Variants in BRI3BP observed in about 807,000 individuals in gnomAD.
BRI3BP encodes BRI3-binding protein.
Under a neutral mutation model 15.8 loss-of-function variants are expected in BRI3BP, and 7 were observed. The observed-to-expected ratio is 0.44, with a 90% confidence interval of 0.25 to 0.83. BRI3BP has a LOEUF of 0.83. Among genes scored for constraint, BRI3BP ranks in the 40% least tolerant of loss-of-function variants. The probability of loss-of-function intolerance (pLI) is 0.20; values close to 1 mark genes in which losing one functional copy is unlikely to be tolerated. For synonymous variants in BRI3BP, 192 were observed against 163.5 expected (o/e 1.17, Z -1.33); for missense variants, 320 against 339.3 (o/e 0.94, Z 0.45).
chr12:125,049,398 G>T, the BRI3BP span, among the ~76,000 whole-genome samples: 4 of 152,098 alleles, frequency 2.6e-5, no homozygotes, highest in African/African-American at 9.7e-5. Context: ...CATCCTAGGG[G>T]CTCATCTGCG....
the BRI3BP span, among the ~76,000 whole-genome samples, chr12:125,049,860 C>A: frequency 6.9e-6 from 1 of 144,682 alleles, no homozygotes; most frequent in African/African-American, 2.5e-5. Context: ...GCGTTGGGGT[C>A]GCGGGAAGGG....
chr12:124,999,296 C>A (rs1411949762), intron 1 of BRI3BP, among the ~76,000 whole-genome samples: 1 of 152,144 alleles, frequency 6.6e-6, no homozygotes, highest in Non-Finnish European at 1.5e-5. Flanking sequence ...TTCCCACTAC[C>A]GACCCGTCTA....
chr12:125,034,103 A>G (rs1363064510), downstream of BRI3BP, among the ~76,000 whole-genome samples: 3 of 150,152 alleles, frequency 2.0e-5, no homozygotes, highest in African/African-American at 7.4e-5. Context: ...CTGGAGTGCA[A>G]TGGCACAATC....
At chr12:124,997,851 G>A (rs1331155018) in intron 1 of BRI3BP, among the ~76,000 whole-genome samples, 2 of 151,860 alleles carry the variant, frequency 1.3e-5, no homozygotes, top group African/African-American at 4.8e-5. Context: ...TAGGCCAGGT[G>A]TGGTGGCTCA....
the BRI3BP span, among the ~76,000 whole-genome samples, chr12:125,046,427 G>A: frequency 6.6e-6 from 1 of 151,990 alleles, no homozygotes; most frequent in African/African-American, 2.4e-5. Context: ...GGTGGCTCAC[G>A]CCTGTAGTCC....
rs565122837 is a variant in BRI3BP at position 124,996,379 on chromosome 12, C to T, written c.213+2376C>T. On this transcript the variant is annotated intron_variant, in intron 1 of 2. Coordinates refer to ENST00000341446, the MANE Select transcript of BRI3BP (RefSeq NM_080626.6). Reference sequence around the variant, plus strand: ...GGAGTGCGTTGGCACGATCTTGGCTCACGGCAACGTCTGCCTCCTGGGCAA... The same window carrying T: ...GGAGTGCGTTGGCACGATCTTGGCTTACGGCAACGTCTGCCTCCTGGGCAA... Among the ~76,000 whole-genome samples, 296 of 152,276 alleles carry T rather than the reference C, an allele frequency of 1.9e-3. 1 individual carries two copies. The highest frequency in any genetic ancestry group is 6.8e-3 in the African/African-American group (284 of 41,546).
chr12:125,049,124 G>A, the BRI3BP span, among the ~76,000 whole-genome samples: 1 of 151,994 alleles, frequency 6.6e-6, no homozygotes, highest in African/African-American at 2.4e-5. Flanking sequence ...ACCACGCCTG[G>A]CTAATTTTTT....
At chr12:125,019,812 C>G (rs547930748) in intron 2 of BRI3BP, among the ~76,000 whole-genome samples, 10 of 152,096 alleles carry the variant, frequency 6.6e-5, no homozygotes, top group African/African-American at 2.4e-4. Flanking sequence ...ATTCAAAGCA[C>G]TGCCACTGTT....
At chr12:125,036,535 T>C in the BRI3BP span, among the ~76,000 whole-genome samples, 1 of 151,996 alleles carries the variant, frequency 6.6e-6, no homozygotes, top group Non-Finnish European at 1.5e-5. Context: ...GATCTAAATA[T>C]ATCTTAACCA....
chr12:125,004,603 C>T (rs1333221852), intron 1 of BRI3BP, among the ~76,000 whole-genome samples: 2 of 152,096 alleles, frequency 1.3e-5, no homozygotes, highest in African/African-American at 2.4e-5. Flanking sequence ...CACCCTGTTT[C>T]CCCCATTATT....
chr12:125,032,919 C>A (rs1955417334), downstream of BRI3BP, among the ~76,000 whole-genome samples: 1 of 152,124 alleles, frequency 6.6e-6, no homozygotes. Flanking sequence ...GGAGAAGTCA[C>A]CGAGGGCAGT....
chr12:125,004,173 T>C (rs990023659), intron 1 of BRI3BP, among the ~76,000 whole-genome samples: 31 of 152,210 alleles, frequency 2.0e-4, no homozygotes, highest in Admixed American at 3.9e-4. Flanking sequence ...AATTTTTAAA[T>C]TTTTTTAAAA....
chr12:125,001,204 G>A (rs143687175), intron 1 of BRI3BP, among the ~76,000 whole-genome samples: 3 of 151,652 alleles, frequency 2.0e-5, no homozygotes, highest in Non-Finnish European at 4.4e-5. Context: ...AAGGGTGCCC[G>A]CCATCACGCC....
rs546401520 is a variant in BRI3BP at position 125,018,158 on chromosome 12, C to T, written c.316+5522C>T. 1.7e-4 allele frequency among the ~76,000 whole-genome samples: 26 copies of T among 152,314 alleles called. No individual in the cohort carries two copies. The East Asian group carries it at 5.0e-3, about 29-fold the overall frequency. On this transcript the variant is annotated intron_variant, in intron 2 of 2. Transcript: ENST00000341446. The stretch of plus-strand genomic sequence containing the variant: ...GCTGGCCAGCTGCACCCAGAGCCAG[C>T]TTCCCCTGCTGCAGCCATCAGGACT...
intron 2 of BRI3BP, among the ~76,000 whole-genome samples, chr12:125,016,825 C>CGTTTTTTTTTTT (rs1470443683): frequency 2.5e-5 from 1 of 39,776 alleles, no homozygotes; most frequent in African/African-American, 9.8e-5. Context: ...TGCGCCCAGC[C>CGTTTTTTTTTTT]TTTTTTTTTT....
At chr12:125,032,907 CAGG>C (rs1425164744), downstream of BRI3BP, among the ~76,000 whole-genome samples, 2 of 152,168 alleles carry the variant, frequency 1.3e-5, no homozygotes, top group African/African-American at 2.4e-5. Context: ...TGAGACTTCA[CAGG>C]AGAAGTCACC....
rs1471025188 is a variant in BRI3BP at position 124,993,756 on chromosome 12, C to T, written c.-35C>T. 6.1e-6 allele frequency: 6 copies of T among 991,398 alleles called. No individual in the cohort carries two copies. Among genetic ancestry groups the T allele is most frequent in the Admixed American group, 6.1e-5 (1 of 16,452 alleles). 61.4% of individuals were successfully genotyped at this position (991,398 alleles called of 1,614,324 possible). The stretch of plus-strand genomic sequence containing the variant: ...GCTGCGGCCCAGCGCACGGCCCTCA[C>T]CCCGCATCGCGACCCCGCGCCCCGC... On this transcript the variant is annotated 5_prime_UTR_variant, in exon 1 of 3. Transcript: ENST00000341446.
the BRI3BP span, among the ~76,000 whole-genome samples, chr12:125,049,119 G>C: frequency 6.6e-6 from 1 of 151,932 alleles, no homozygotes; most frequent in Non-Finnish European, 1.5e-5. Flanking sequence ...CCGCCACCAC[G>C]CCTGGCTAAT....
At chr12:125,009,004 C>T (rs1955173049) in intron 1 of BRI3BP, among the ~76,000 whole-genome samples, 1 of 151,160 alleles carries the variant, frequency 6.6e-6, no homozygotes, top group Non-Finnish European at 1.5e-5. Context: ...GAGACAGAGT[C>T]TCGCTCTGTT....
Sources: allele counts gnomAD v4.1 joint callset (sites outside exome capture counted in the v4.1 genomes callset), GRCh38; gene constraint gnomAD v4.1.1; transcripts MANE v1.5; gene names NCBI Gene and HGNC (gene_info 2026-07-23, HGNC 2026-07-21).